The following INPP4B variants were observed in gnomAD, a reference collection of about 807,000 sequenced individuals.
INPP4B encodes the protein inositol polyphosphate-4-phosphatase type II B, also known as inositol polyphosphate 4-phosphatase type II.
Under a neutral mutation model 122.5 loss-of-function variants are expected in INPP4B, and 55 were observed. The ratio of observed to expected loss-of-function variants is 0.45; its 90% CI spans 0.36 to 0.56. The LOEUF is 0.56. Among genes scored for constraint, INPP4B ranks in the 20% least tolerant of loss-of-function variants. INPP4B has a pLI of 0.00. For missense variants in INPP4B, 1,000 were observed against 1,097.7 expected (o/e 0.91, Z 1.26); for synonymous variants, 403 against 388.7 (o/e 1.04, Z -0.43).
chr4:142,536,341 T>G (rs1247500480), intron 2 of INPP4B, among the ~76,000 whole-genome samples: 3 of 152,182 alleles, frequency 2.0e-5, no homozygotes, highest in Non-Finnish European at 4.4e-5. Context: ...TTCTCCATTC[T>G]CTGCTTCAGA....
At chr4:142,177,644 AT>A (rs1316467976) in intron 15 of INPP4B, among the ~76,000 whole-genome samples, 1 of 152,070 alleles carries the variant, frequency 6.6e-6, no homozygotes, top group African/African-American at 2.4e-5. Context: ...ACTTTAATAT[AT>A]TCATTTAAAT....
intron 2 of INPP4B, among the ~76,000 whole-genome samples, chr4:142,599,548 A>T (rs1739428365): frequency 1.3e-5 from 2 of 152,164 alleles, no homozygotes; most frequent in Non-Finnish European, 2.9e-5. Context: ...TATATAAGTA[A>T]AGTCGAAAAT....
At chr4:142,128,189 C>A (rs1799483691) in intron 18 of INPP4B, among the ~76,000 whole-genome samples, 1 of 148,412 alleles carries the variant, frequency 6.7e-6, no homozygotes, top group African/African-American at 2.5e-5. Context: ...AGTATTCATT[C>A]ATATATAAAT....
chr4:142,606,554 TA>T (rs925781211), intron 2 of INPP4B, among the ~76,000 whole-genome samples: 5 of 151,694 alleles, frequency 3.3e-5, no homozygotes, highest in East Asian at 1.9e-4. Context: ...AATAAAAGGG[TA>T]AAAAAAGAAG....
intron 1 of INPP4B, among the ~76,000 whole-genome samples, chr4:142,790,685 G>A (rs534730340): frequency 1.3e-5 from 2 of 151,960 alleles, no homozygotes; most frequent in Middle Eastern, 3.4e-3. Context: ...CAAACCTTAT[G>A]TAATTAAACT....
chr4:142,131,478 A>G (rs985300157), intron 18 of INPP4B, among the ~76,000 whole-genome samples: 54 of 152,238 alleles, frequency 3.5e-4, no homozygotes, highest in Admixed American at 1.4e-3. Context: ...TTTTTGGAGC[A>G]TAAGTTTATA....
intron 5 of INPP4B, among the ~76,000 whole-genome samples, chr4:142,410,617 T>G (rs1804405207): frequency 6.6e-6 from 1 of 151,982 alleles, no homozygotes; most frequent in Admixed American, 6.6e-5. Flanking sequence ...ATAAAGAAAT[T>G]TTTTTTAACT....
chr4:142,558,541 C>T (rs986115001), intron 2 of INPP4B, among the ~76,000 whole-genome samples: 2 of 151,864 alleles, frequency 1.3e-5, no homozygotes, highest in African/African-American at 4.8e-5. Flanking sequence ...ATTCTATAAT[C>T]CATAGGTATT....
chr4:142,725,365 G>A (rs757122212), intron 2 of INPP4B, among the ~76,000 whole-genome samples: 25 of 152,142 alleles, frequency 1.6e-4, no homozygotes, highest in Non-Finnish European at 2.6e-4. Flanking sequence ...CATAAAGCTT[G>A]ATGACATTTT....
At chr4:142,825,588 C>A (rs546150114) in intron 1 of INPP4B, among the ~76,000 whole-genome samples, 2 of 151,764 alleles carry the variant, frequency 1.3e-5, no homozygotes, top group African/African-American at 4.8e-5. Context: ...AAGAAATAAC[C>A]GTACTACAAA....
chr4:142,589,728 AAGCTAAAG>A (rs1737014797), intron 2 of INPP4B, among the ~76,000 whole-genome samples: 2 of 152,104 alleles, frequency 1.3e-5, no homozygotes, highest in Admixed American at 6.5e-5. Context: ...AATTTCTAAA[AAGCTAAAG>A]ATAACCTTAC....
At chr4:142,117,409 C>T (rs1053191460) in intron 21 of INPP4B, among the ~76,000 whole-genome samples, 2 of 152,096 alleles carry the variant, frequency 1.3e-5, no homozygotes, top group Non-Finnish European at 1.5e-5. Flanking sequence ...TGCAAAAATC[C>T]TCAATAAAAT....
At chr4:142,730,704 C>T (rs916484363) in intron 1 of INPP4B, among the ~76,000 whole-genome samples, 6 of 152,172 alleles carry the variant, frequency 3.9e-5, no homozygotes, top group Admixed American at 6.5e-5. Flanking sequence ...CTTGTGCTGT[C>T]GTGTCTCCAC....
intron 12 of INPP4B, among the ~76,000 whole-genome samples, chr4:142,221,406 A>G (rs967346896): frequency 2.7e-5 from 4 of 150,802 alleles, no homozygotes; most frequent in African/African-American, 9.7e-5. Flanking sequence ...AAAAAAAAAA[A>G]AAAAAAAAAG....
intron 2 of INPP4B, among the ~76,000 whole-genome samples, chr4:142,591,548 G>A (rs1371702562): frequency 6.6e-6 from 1 of 152,046 alleles, no homozygotes; most frequent in South Asian, 2.1e-4. Context: ...AGCCCTCAAG[G>A]AGGTGGAGCA....
At chr4:142,104,748 T>C (rs1293384529) in intron 23 of INPP4B, among the ~76,000 whole-genome samples, 1 of 152,132 alleles carries the variant, frequency 6.6e-6, no homozygotes, top group Non-Finnish European at 1.5e-5. Flanking sequence ...TTTTCTTATA[T>C]AAAATGACAC....
At position 142,502,132 on chromosome 4, in the gene INPP4B, C is replaced by T. The variant is rs533025823; in HGVS notation, c.-190-39406G>A. ...TAAAGATAACATCTTAATATATGTC[C>T]CCGAGTTGTTTTTCAGAAACTCAAG... On this transcript the variant is annotated intron_variant, in intron 2 of 25. Coordinates refer to ENST00000262992, the MANE Select transcript of INPP4B (RefSeq NM_001101669.3). Among the ~76,000 whole-genome samples, 8 of 152,070 alleles carry T rather than the reference C, an allele frequency of 5.3e-5. No homozygotes were observed. The South Asian group carries it at 1.7e-3, about 32-fold the overall frequency.
intron 1 of INPP4B, among the ~76,000 whole-genome samples, chr4:142,754,705 G>GTT (rs201604763): frequency 6.6e-6 from 1 of 151,652 alleles, no homozygotes; most frequent in Non-Finnish European, 1.5e-5. Flanking sequence ...CTCAAAATGT[G>GTT]TTTTTTTTAG....
chr4:142,259,581 G>GA (rs1041228407), intron 11 of INPP4B, among the ~76,000 whole-genome samples: 1 of 95,154 alleles, frequency 1.1e-5, no homozygotes, highest in African/African-American at 3.1e-5. Context: ...ATCAAATCAA[G>GA]AAAAAAATAT....
Sources: allele counts gnomAD v4.1 joint callset (sites outside exome capture counted in the v4.1 genomes callset), GRCh38; gene constraint gnomAD v4.1.1; transcripts MANE v1.5; gene names NCBI Gene and HGNC (gene_info 2026-07-23, HGNC 2026-07-21).